TTC28: variants seen among roughly 807,000 people sequenced by gnomAD.
The protein encoded by TTC28 is tetratricopeptide repeat domain 28.
Under a neutral mutation model 198.0 loss-of-function variants are expected in TTC28, and 61 were observed. The ratio of observed to expected loss-of-function variants is 0.31; its 90% CI spans 0.25 to 0.38. TTC28 has a LOEUF of 0.38. Ranked by LOEUF, TTC28 falls within the 10% of genes least tolerant of loss-of-function variation. The pLI, the probability that TTC28 is intolerant of heterozygous loss-of-function variation, is 1.00. For synonymous variants in TTC28, 1,171 were observed against 1,297.8 expected (o/e 0.90, Z 2.10); for missense variants, 2,678 against 3,164.0 (o/e 0.85, Z 3.69).
chr22:28,148,120 T>C (rs1943512417), intron 6 of TTC28, among the ~76,000 whole-genome samples: 1 of 152,252 alleles, frequency 6.6e-6, no homozygotes, highest in African/African-American at 2.4e-5. Flanking sequence ...ATATATTATT[T>C]AGTTAGCCTG....
At chr22:28,289,136 T>C (rs2044740497) in intron 5 of TTC28, among the ~76,000 whole-genome samples, 2 of 152,104 alleles carry the variant, frequency 1.3e-5, no homozygotes, top group Admixed American at 6.5e-5. Context: ...ATCAAGTAAC[T>C]AACCAAATAT....
At chr22:28,498,355 A>G (rs1159378207) in intron 2 of TTC28, among the ~76,000 whole-genome samples, 4 of 152,202 alleles carry the variant, frequency 2.6e-5, no homozygotes, top group Non-Finnish European at 4.4e-5. Flanking sequence ...TACACAGGTG[A>G]CAAAGTAGAA....
intron 2 of TTC28, among the ~76,000 whole-genome samples, chr22:28,505,100 CA>C (rs1266067802): frequency 6.6e-6 from 1 of 151,158 alleles, no homozygotes; most frequent in Non-Finnish European, 1.5e-5. Flanking sequence ...ATTAAAAATA[CA>C]AAAAAAGTAG....
intron 2 of TTC28, among the ~76,000 whole-genome samples, chr22:28,591,010 C>T (rs1273115843): frequency 2.3e-5 from 1 of 43,678 alleles, no homozygotes; most frequent in Non-Finnish European, 4.3e-5. Context: ...CTGCCTCAAA[C>T]ACACACACAC....
chr22:28,172,719 G>A (rs1176008871), intron 5 of TTC28, among the ~76,000 whole-genome samples: 1 of 152,174 alleles, frequency 6.6e-6, no homozygotes, highest in Non-Finnish European at 1.5e-5. Context: ...TCCGTGATGG[G>A]TGTCCTGGAA....
intron 2 of TTC28, among the ~76,000 whole-genome samples, chr22:28,492,738 G>A (rs2048396592): frequency 6.6e-6 from 1 of 152,134 alleles, no homozygotes; most frequent in South Asian, 2.1e-4. Context: ...AACTAGGATT[G>A]GTTTAAAGTC....
chr22:28,542,353 C>G (rs566289180), intron 2 of TTC28, among the ~76,000 whole-genome samples: 4 of 152,024 alleles, frequency 2.6e-5, no homozygotes, highest in African/African-American at 9.6e-5. Context: ...ATCGGAGCCA[C>G]AGAAGGTGAG....
chr22:28,047,102 C>A (rs1939897383), intron 12 of TTC28, among the ~76,000 whole-genome samples: 1 of 152,172 alleles, frequency 6.6e-6, no homozygotes, highest in South Asian at 2.1e-4. Flanking sequence ...CCCATCCCAG[C>A]CCCTTTCGGA....
intron 12 of TTC28, among the ~76,000 whole-genome samples, chr22:28,068,209 G>A (rs1212933425): frequency 1.3e-5 from 2 of 152,136 alleles, no homozygotes; most frequent in African/African-American, 2.4e-5. Flanking sequence ...GAGATAAAAG[G>A]CTTGGTGGAA....
chr22:27,995,819 G>T (rs1472811966), intron 17 of TTC28, among the ~76,000 whole-genome samples: 2 of 152,172 alleles, frequency 1.3e-5, no homozygotes, highest in East Asian at 3.9e-4. Context: ...GGGTCCTGGC[G>T]AGTACTGCTA....
chr22:27,990,408 A>G (rs1937359711), intron 20 of TTC28, among the ~76,000 whole-genome samples: 1 of 152,220 alleles, frequency 6.6e-6, no homozygotes, highest in African/African-American at 2.4e-5. Context: ...GTTACATCTT[A>G]GAGCCTCACA....
intron 5 of TTC28, among the ~76,000 whole-genome samples, chr22:28,225,560 A>G (rs947761231): frequency 3.3e-5 from 5 of 152,194 alleles, no homozygotes; most frequent in South Asian, 2.1e-4. Flanking sequence ...AAAAGAAATA[A>G]TAATGACCTA....
At chr22:28,161,990 T>A (rs993303157) in intron 6 of TTC28, among the ~76,000 whole-genome samples, 2 of 152,126 alleles carry the variant, frequency 1.3e-5, no homozygotes, top group Non-Finnish European at 2.9e-5. Context: ...ATCAATAAGG[T>A]CAACTTCTCT....
At chr22:28,437,093 T>G (rs978728755) in intron 2 of TTC28, among the ~76,000 whole-genome samples, 1 of 152,114 alleles carries the variant, frequency 6.6e-6, no homozygotes, top group African/African-American at 2.4e-5. Context: ...TCTTTTAATT[T>G]TTTTTTTGAG....
At chr22:28,410,853 C>T (rs542784983) in intron 2 of TTC28, among the ~76,000 whole-genome samples, 1 of 152,204 alleles carries the variant, frequency 6.6e-6, no homozygotes, top group South Asian at 2.1e-4. Flanking sequence ...TAAGGCAGAA[C>T]TCTATTTTTC....
intron 2 of TTC28, among the ~76,000 whole-genome samples, chr22:28,594,424 C>T (rs1410453299): frequency 6.6e-6 from 1 of 151,910 alleles, no homozygotes; most frequent in Admixed American, 6.6e-5. Context: ...CTTCTGAGGT[C>T]TGGGGAAAAA....
chr22:28,255,362 T>C (rs1447938096), intron 5 of TTC28, among the ~76,000 whole-genome samples: 1 of 152,108 alleles, frequency 6.6e-6, no homozygotes, highest in African/African-American at 2.4e-5. Flanking sequence ...AGGAGCTAAA[T>C]GAACAACATG....
chr22:28,554,680 G>A (rs889585112), intron 2 of TTC28, among the ~76,000 whole-genome samples: 3 of 152,112 alleles, frequency 2.0e-5, no homozygotes, highest in Admixed American at 6.6e-5. Flanking sequence ...AGACCAGCCT[G>A]GCCAACATGG....
At chr22:28,168,490 C>T (rs1217376610) in intron 5 of TTC28, among the ~76,000 whole-genome samples, 3 of 152,106 alleles carry the variant, frequency 2.0e-5, no homozygotes, top group Non-Finnish European at 4.4e-5. Context: ...ACCAATGGAA[C>T]AGAACAGAGC....
Sources: gnomAD v4.1 joint callset for allele counts (sites outside exome capture counted in the v4.1 genomes callset) on GRCh38, gnomAD v4.1.1 for gene constraint, MANE v1.5 for transcripts, NCBI Gene and HGNC (gene_info 2026-07-23, HGNC 2026-07-21) for gene names.